The following EFHC1 variants were observed in gnomAD, a reference collection of about 807,000 sequenced individuals.
EFHC1 encodes the protein EF-hand domain containing 1, also known as EF-hand domain-containing protein 1.
In EFHC1, 53 loss-of-function variants were observed where a neutral mutation model predicts 69.9. The ratio of observed to expected loss-of-function variants is 0.76; its 90% confidence interval spans 0.61 to 0.95. The LOEUF (loss-of-function observed/expected upper bound fraction) is 0.95, where lower values mean the gene tolerates loss of function less well. Ranked by LOEUF, EFHC1 falls within the 40% of genes least tolerant of loss-of-function variation. The pLI, the probability that EFHC1 is intolerant of heterozygous loss-of-function variation, is 0.00. For missense variants in EFHC1, 739 were observed against 798.7 expected, an observed-to-expected ratio of 0.93 and a Z score of 0.90; for synonymous variants, 256 against 278.4, an observed-to-expected ratio of 0.92 and a Z score of 0.80.
chr6:52,467,285 G>A (rs1220922840), intron 6 of EFHC1, among the ~76,000 whole-genome samples: 2 of 151,400 alleles, frequency 1.3e-5, no homozygotes, highest in Admixed American at 6.6e-5. Context: ...AGGTTCAAGC[G>A]ATTCTTGTGC....
At chr6:52,492,125 G>A in intron 10 of EFHC1, 145 bp from the exon 11 acceptor site, 1 of 728,420 alleles carries the variant, frequency 1.4e-6, no homozygotes, top group Non-Finnish European at 2.4e-6. Flanking sequence ...AGGTTCACAG[G>A]ATCATTTCAG....
chr6:52,453,969 C>G (rs1562453058), intron 4 of EFHC1, 126 bp from the exon 5 acceptor site: 4 of 1,558,900 alleles, frequency 2.6e-6, no homozygotes, highest in Non-Finnish European at 3.5e-6. Context: ...TTCAATTTAC[C>G]CCATCTGAAA....
intron 9 of EFHC1, 149 bp downstream of exon 9, chr6:52,479,936 T>C: frequency 2.4e-6 from 3 of 1,229,112 alleles, no homozygotes; most frequent in Non-Finnish European, 2.3e-6. Context: ...CCTGTGTCAA[T>C]GTAATAGCTA....
chr6:52,468,936 A>G (rs1188954870), intron 6 of EFHC1: 10 of 291,812 alleles, frequency 3.4e-5, no homozygotes, highest in Non-Finnish European at 6.6e-5. Flanking sequence ...TAGGGACTAT[A>G]TGGACTTACT....
At chr6:52,431,419 C>T (rs116625150) in intron 2 of EFHC1, among the ~76,000 whole-genome samples, 20,828 of 152,014 alleles carry the variant, frequency 0.14, 1,792 homozygotes, top group East Asian at 0.45. Flanking sequence ...TCATTCAGTT[C>T]GAATGATTGT....
chr6:52,484,180 G>T (rs993581873), intron 9 of EFHC1: 2 of 152,062 alleles, frequency 1.3e-5, no homozygotes, highest in African/African-American at 4.8e-5. Context: ...ATGAGTGGAG[G>T]AATTGGCTTC....
rs1764251712 is a variant in EFHC1 at position 52,424,088 on chromosome 6, C to T, written c.206C>T (p.Ala69Val). The T allele has an allele frequency of 6.2e-6, 10 of 1,614,152 alleles. No homozygotes were observed. Among genetic ancestry groups the T allele is most frequent in the Middle Eastern group, 1.6e-4 (1 of 6,062 alleles). Residue 69 changes from alanine (A) to valine (V), a missense_variant, in exon 2 of 11, where the codon GCA becomes GTA. Physicochemically the swap from Ala to Val is moderately conservative, Grantham distance 64 (BLOSUM62 0). Transcript: ENST00000371068. ...QAELDELASK[A>V]PVLTYGQPKQ... is the part of the protein sequence containing the mutation. ...GAGCTGGATGAGTTGGCCAGTAAGG[C>T]ACCAGTCTTAACTTATGGCCAACCT...
chr6:52,495,032 A>G lies in EFHC1; in HGVS notation c.*2691A>G, dbSNP rs1226521159. 2.2e-6 allele frequency: 1 copy of G among 454,054 alleles called. No homozygotes were observed. The highest frequency in any genetic ancestry group is 4.4e-6 in the Non-Finnish European group (1 of 226,762). 28.1% of individuals were successfully genotyped at this position (454,054 alleles called of 1,614,324 possible). On this transcript the variant is annotated 3_prime_UTR_variant, in exon 11 of 11. Coordinates refer to ENST00000371068, the MANE Select transcript of EFHC1 (RefSeq NM_018100.4). Reference sequence around the variant, plus strand: ...AACTCTTTCCAACCGGAAACTGCCCAGTGCACCACTCTCAGATGGACGGGA... The same window carrying G: ...AACTCTTTCCAACCGGAAACTGCCCGGTGCACCACTCTCAGATGGACGGGA...
At chr6:52,489,638 C>A (rs1765854340) in intron 9 of EFHC1, among the ~76,000 whole-genome samples, 1 of 152,132 alleles carries the variant, frequency 6.6e-6, no homozygotes, top group African/African-American at 2.4e-5. Context: ...TCTTAGCTTC[C>A]ATAGATAACC....
At position 52,492,728 on chromosome 6, in the gene EFHC1, C is replaced by T. The variant is rs1368500384; in HGVS notation, c.*387C>T. The T allele has an allele frequency of 6.8e-6, 3 of 442,182 alleles. No individual in the cohort carries two copies. Among genetic ancestry groups the T allele is most frequent in the Non-Finnish European group, 1.4e-5 (3 of 222,190 alleles). The allele number at this position is 442,182 out of a possible 1,614,324, so 27.4% of individuals were successfully genotyped here. ...CTCCTGGGCTCAAGTGATCCTCCCA[C>T]TTCAACCTCCCCAGTAGCTGGGACA... is the stretch of plus-strand genomic sequence containing the variant. On this transcript the variant is annotated 3_prime_UTR_variant, in exon 11 of 11. Transcript: ENST00000371068.
chr6:52,486,097 T>A (rs1765780545), intron 9 of EFHC1: 1 of 152,182 alleles, frequency 6.6e-6, no homozygotes, highest in African/African-American at 2.4e-5. Flanking sequence ...TCTAAGGAAA[T>A]GCAGTTACAA....
intron 8 of EFHC1, 87 bp downstream of exon 8, chr6:52,479,337 C>T: frequency 7.1e-7 from 1 of 1,415,408 alleles, no homozygotes. Flanking sequence ...CTGTAAGAGG[C>T]AATTAGATTG....
At chr6:52,449,766 G>T (rs1391241890) in intron 3 of EFHC1, among the ~76,000 whole-genome samples, 1 of 152,100 alleles carries the variant, frequency 6.6e-6, no homozygotes. Context: ...CCAACTCCTG[G>T]ATTCATTGAT....
intron 9 of EFHC1, 92 bp downstream of exon 9, chr6:52,479,879 T>C: frequency 6.4e-7 from 1 of 1,558,536 alleles, no homozygotes; most frequent in Admixed American, 1.9e-5. Context: ...TTAGATTTTC[T>C]GATTTCTCTC....
chr6:52,454,908 G>A (rs12527571), intron 5 of EFHC1, among the ~76,000 whole-genome samples: 20,683 of 151,790 alleles, frequency 0.14, 1,496 homozygotes, highest in Middle Eastern at 0.25. Context: ...CCTGGGCAAC[G>A]TGATGAAACC....
intron 5 of EFHC1, among the ~76,000 whole-genome samples, chr6:52,458,195 C>G (rs1461928788): frequency 1.3e-5 from 2 of 152,104 alleles, no homozygotes; most frequent in Non-Finnish European, 2.9e-5. Flanking sequence ...CCTTACCTCA[C>G]CATACATAAA....
At chr6:52,454,919 T>C (rs1270695877) in intron 5 of EFHC1, among the ~76,000 whole-genome samples, 1 of 151,646 alleles carries the variant, frequency 6.6e-6, no homozygotes, top group Non-Finnish European at 1.5e-5. Context: ...TGATGAAACC[T>C]CCTCTCTACA....
chr6:52,492,598 T>C lies in EFHC1; in HGVS notation c.*257T>C. The C allele has an allele frequency of 1.6e-6, 1 of 607,994 alleles. No individual in the cohort carries two copies. The highest frequency in any genetic ancestry group is 3.1e-6 in the Non-Finnish European group (1 of 327,770). The allele number at this position is 607,994 out of a possible 1,614,324, so 37.7% of individuals were successfully genotyped here. ...CTTGGCCACAGGGGGCCCAAATATTTCCTTTCTTTCTTTTTAAAAAAATAA... is the reference window on the plus strand; with the variant it reads ...CTTGGCCACAGGGGGCCCAAATATTCCCTTTCTTTCTTTTTAAAAAAATAA... On this transcript the variant is annotated 3_prime_UTR_variant, in exon 11 of 11. Coordinates refer to ENST00000371068, the MANE Select transcript of EFHC1 (RefSeq NM_018100.4).
intron 3 of EFHC1, among the ~76,000 whole-genome samples, chr6:52,446,795 G>T (rs1581825128): frequency 6.6e-6 from 1 of 152,128 alleles, no homozygotes; most frequent in African/African-American, 2.4e-5. Context: ...GTCTATAAAG[G>T]ATTTTATTTC....
Sources: gnomAD v4.1 joint callset for allele counts (sites outside exome capture counted in the v4.1 genomes callset) on GRCh38, gnomAD v4.1.1 for gene constraint, MANE v1.5 for transcripts, NCBI Gene and HGNC (gene_info 2026-07-23, HGNC 2026-07-21) for gene names.